Variants in CCM2 observed in about 807,000 individuals in gnomAD.
The protein encoded by CCM2 is CCM2 scaffold protein, also known as cerebral cavernous malformations 2 protein.
Under a neutral mutation model 44.9 loss-of-function variants are expected in CCM2, and 25 were observed. That is an observed-to-expected ratio of 0.56 (90% confidence interval 0.41 to 0.78). CCM2 has a LOEUF of 0.78. Among genes scored for constraint, CCM2 ranks in the 30% least tolerant of loss-of-function variants. The pLI is 0.00. For missense variants in CCM2, 481 were observed against 580.6 expected (o/e 0.83, Z 1.76); for synonymous variants, 219 against 241.1 (o/e 0.91, Z 0.85).
At chr7:45,014,169 T>C (rs1796169385) in intron 1 of CCM2, among the ~76,000 whole-genome samples, 1 of 152,160 alleles carries the variant, frequency 6.6e-6, no homozygotes, top group South Asian at 2.1e-4. Context: ...AGATGGTGTC[T>C]TACTCTGTTG....
chr7:45,005,463 A>G (rs1036853459), intron 1 of CCM2, among the ~76,000 whole-genome samples: 1 of 152,244 alleles, frequency 6.6e-6, no homozygotes, highest in Admixed American at 6.5e-5. Flanking sequence ...GCAGACGAGA[A>G]GGGCGTCTGC....
intron 1 of CCM2, among the ~76,000 whole-genome samples, chr7:45,014,251 T>C (rs1339665442): frequency 6.6e-6 from 1 of 152,158 alleles, no homozygotes; most frequent in East Asian, 1.9e-4. Context: ...GCGATTCTTC[T>C]GCCTCAGCCT....
At chr7:45,070,488 G>A in intron 6 of CCM2, 1 of 456,218 alleles carries the variant, frequency 2.2e-6, no homozygotes, top group Non-Finnish European at 4.4e-6. Flanking sequence ...AGGTACCCCA[G>A]AGCTGTCTCT....
chr7:45,054,505 ATCTTG>A (rs1465197708), intron 2 of CCM2, among the ~76,000 whole-genome samples: 1 of 151,808 alleles, frequency 6.6e-6, no homozygotes, highest in Non-Finnish European at 1.5e-5. Flanking sequence ...AAACACTTAT[ATCTTG>A]TCAGAAGTTG....
Position 45,039,968 on chromosome 7 carries a change from A to G in CCM2, c.204+1542A>G, listed in dbSNP as rs1583905915. Among the ~76,000 whole-genome samples, 4 of 152,220 alleles carry G rather than the reference A, an allele frequency of 2.6e-5. No individual in the cohort carries two copies. In the South Asian group the frequency reaches 8.3e-4, roughly 32 times the overall value. ...CTTGAACCTGGGAGGTGGAGGTTGC[A>G]GTGAGCCAAGATCACACCACTGCAC... is the stretch of plus-strand genomic sequence containing the variant. On this transcript the variant is annotated intron_variant, in intron 2 of 9. Coordinates refer to ENST00000258781, the MANE Select transcript of CCM2 (RefSeq NM_031443.4).
chr7:45,003,272 C>T (rs1274423481), intron 1 of CCM2, among the ~76,000 whole-genome samples: 1 of 151,234 alleles, frequency 6.6e-6, no homozygotes, highest in Non-Finnish European at 1.5e-5. Context: ...GACGGGGTTT[C>T]TCCATGTTGG....
intron 1 of CCM2, among the ~76,000 whole-genome samples, chr7:45,026,039 C>A (rs1796677375): frequency 6.6e-6 from 1 of 152,130 alleles, no homozygotes; most frequent in African/African-American, 2.4e-5. Context: ...TGTGGGTTTT[C>A]TTTTTAGTCA....
At chr7:45,003,410 G>C (rs1358125633) in intron 1 of CCM2, among the ~76,000 whole-genome samples, 1 of 152,108 alleles carries the variant, frequency 6.6e-6, no homozygotes, top group African/African-American at 2.4e-5. Context: ...ACTTAAGTTG[G>C]GTTGTGTGGA....
intron 2 of CCM2, among the ~76,000 whole-genome samples, chr7:45,061,815 C>T (rs968174334): frequency 6.6e-6 from 1 of 152,154 alleles, no homozygotes; most frequent in Non-Finnish European, 1.5e-5. Context: ...GTATTCTTCC[C>T]TCCTCCTACC....
rs1169512493 is a variant in CCM2, at chr7:45,075,944, A to G, written c.1222A>G (p.Ser408Gly). The G allele has an allele frequency of 1.2e-6, 2 of 1,613,206 alleles. No individual in the cohort carries two copies. The highest frequency in any genetic ancestry group is 2.2e-5 in the East Asian group (1 of 44,886). The change falls in exon 10 of 10, where the codon AGC (serine) becomes GGC (glycine). Residue 408 changes from serine to glycine, a missense_variant. Ser to Gly is a moderately conservative substitution (Grantham distance 56, BLOSUM62 0). Transcript: ENST00000258781. Reference sequence around the variant, plus strand: ...CACCAATGGGAACAGGGCCACGGGCAGCTCTGATGACCGGTCGGCACCCTC... The same window carrying G: ...CACCAATGGGAACAGGGCCACGGGCGGCTCTGATGACCGGTCGGCACCCTC... ...STTNGNRATG[S>G]SDDRSAPSEG...
rs374525126 is a variant in CCM2 at position 45,076,333 on chromosome 7, G to A, written c.*276G>A. Reference sequence around the variant, plus strand: ...CCGCTCGGGGAGGGCCCGGCCGAGCGGGCAGGGAGAGCCAGTCCTGTCGGC... The same window carrying A: ...CCGCTCGGGGAGGGCCCGGCCGAGCAGGCAGGGAGAGCCAGTCCTGTCGGC... On this transcript the variant is annotated 3_prime_UTR_variant, in exon 10 of 10. Transcript: ENST00000258781. 3.2e-5 allele frequency: 20 copies of A among 630,998 alleles called. No individual in the cohort carries two copies. Among genetic ancestry groups the A allele is most frequent in the African/African-American group, 1.3e-4 (7 of 55,828 alleles). The allele number at this position is 630,998 out of a possible 1,614,324, so 39.1% of individuals were successfully genotyped here.
intron 2 of CCM2, among the ~76,000 whole-genome samples, chr7:45,044,013 C>T (rs974390579): frequency 1.3e-5 from 2 of 152,202 alleles, no homozygotes; most frequent in African/African-American, 2.4e-5. Context: ...ATCAGTTCTT[C>T]TCCCTCCAGA....
rs78365274 is a variant in CCM2 at position 45,019,412 on chromosome 7, T to C, written c.31-18841T>C. On this transcript the variant is annotated intron_variant, in intron 1 of 9. Coordinates refer to ENST00000258781, the MANE Select transcript of CCM2 (RefSeq NM_031443.4). ...GTAGATCAGTTTTGATCTTTGTCCTTACTCTTAGGGTAAATTTCTTAGTCC... is the reference window on the plus strand; with the variant it reads ...GTAGATCAGTTTTGATCTTTGTCCTCACTCTTAGGGTAAATTTCTTAGTCC... 2.6e-5 allele frequency among the ~76,000 whole-genome samples: 4 copies of C among 152,296 alleles called. No individual in the cohort carries two copies. In the East Asian group the frequency reaches 7.7e-4, roughly 29 times the overall value.
Position 45,007,240 on chromosome 7 carries a change from G to A in CCM2, c.30+6877G>A, listed in dbSNP as rs148544299. The stretch of plus-strand genomic sequence containing the variant: ...GGTGTTTTGGGAGCTGGCACAGTCA[G>A]GGATGTCATTCATTTCATCTGGGAC... On this transcript the variant is annotated intron_variant, in intron 1 of 9. Coordinates refer to ENST00000258781, the MANE Select transcript of CCM2 (RefSeq NM_031443.4). Among the ~76,000 whole-genome samples, 212 of 152,308 alleles carry A rather than the reference G, an allele frequency of 1.4e-3. 2 individuals are homozygous for A. The highest frequency in any genetic ancestry group is 6.8e-3 in the Middle Eastern group (2 of 294).
chr7:45,042,957 C>CTCT (rs996093018), intron 2 of CCM2, among the ~76,000 whole-genome samples: 6 of 136,464 alleles, frequency 4.4e-5, no homozygotes, highest in Admixed American at 7.8e-5. Flanking sequence ...GCTTTCTCTT[C>CTCT]TCTTCTTCTT....
At chr7:45,065,043 T>G (rs1431673000) in intron 4 of CCM2, among the ~76,000 whole-genome samples, 1 of 152,176 alleles carries the variant, frequency 6.6e-6, no homozygotes, top group Admixed American at 6.5e-5. Context: ...CTCTGCACAG[T>G]GTCCTCAAAC....
intron 2 of CCM2, among the ~76,000 whole-genome samples, chr7:45,040,851 G>A (rs1797458103): frequency 6.6e-6 from 1 of 152,184 alleles, no homozygotes; most frequent in Non-Finnish European, 1.5e-5. Context: ...TTAGCCAGGT[G>A]TAGTGGCACA....
intron 1 of CCM2, among the ~76,000 whole-genome samples, chr7:45,013,156 T>C (rs1796131142): frequency 6.6e-6 from 1 of 152,180 alleles, no homozygotes; most frequent in African/African-American, 2.4e-5. Flanking sequence ...TATATATCCA[T>C]GTCTTGTCAC....
chr7:45,007,101 C>G (rs1336925934), intron 1 of CCM2, among the ~76,000 whole-genome samples: 2 of 152,322 alleles, frequency 1.3e-5, no homozygotes, highest in East Asian at 3.9e-4. Flanking sequence ...AGGACCAAGT[C>G]TACACTGTCA....
Sources: allele counts gnomAD v4.1 joint callset (sites outside exome capture counted in the v4.1 genomes callset), GRCh38; gene constraint gnomAD v4.1.1; transcripts MANE v1.5; gene names NCBI Gene and HGNC (gene_info 2026-07-23, HGNC 2026-07-21).